Variants in PRX observed in about 807,000 individuals in gnomAD.
PRX encodes periaxin.
A neutral mutation model predicts 29.6 loss-of-function variants in PRX; 24 were observed. The observed-to-expected ratio is 0.81, with a 90% CI of 0.59 to 1.14. PRX has a LOEUF of 1.14. Among genes scored for constraint, PRX ranks in the 50% most tolerant of loss-of-function variants. PRX has a pLI of 0.00. For missense variants in PRX, 1,838 were observed against 1,926.4 expected, an observed-to-expected ratio of 0.95 and a Z score of 0.86; for synonymous variants, 772 against 831.7, an observed-to-expected ratio of 0.93 and a Z score of 1.24.
intron 4 of PRX, among the ~76,000 whole-genome samples, chr19:40,404,392 G>T (rs1352580951): frequency 6.6e-6 from 1 of 150,380 alleles, no homozygotes; most frequent in African/African-American, 2.5e-5. Flanking sequence ...GACCAGGATC[G>T]TGGGGGCGTG....
chr19:40,396,018 C>T lies in PRX; in HGVS notation c.2334G>A (p.Arg778=). Residue 778 remains arginine (R), a synonymous_variant, in exon 7 of 7, where the codon AGG becomes AGA. Transcript: ENST00000324001. ...TGGCCTTTAGCTGCACCTCCGGAGCCCTGGGCAGCTTCACCTCTGGTGCCT... is the reference window on the plus strand; with the variant it reads ...TGGCCTTTAGCTGCACCTCCGGAGCTCTGGGCAGCTTCACCTCTGGTGCCT... ...LPKAPEVKLP[R]APEVQLKATK... is the part of the protein sequence containing the mutation. The T allele has an allele frequency of 1.9e-6, 3 of 1,614,020 alleles. No homozygotes were observed. Among genetic ancestry groups the T allele is most frequent in the South Asian group, 2.2e-5 (2 of 91,086 alleles).
Position 40,402,878 on chromosome 19 carries a change from T to G in PRX, c.184+828A>C, listed in dbSNP as rs188342672. Among the ~76,000 whole-genome samples the G allele has an allele frequency of 1.4e-3, 210 of 151,890 alleles. 1 individual carries two copies. The highest frequency in any genetic ancestry group is 4.8e-3 in the African/African-American group (197 of 41,416). On this transcript the variant is annotated intron_variant, in intron 5 of 6. Transcript: ENST00000324001. ...TGAAGCCCAAGCAGCTAAGATAATGTCTGACATAGGGTGGGGCACGGTGGC... is the reference window on the plus strand; with the variant it reads ...TGAAGCCCAAGCAGCTAAGATAATGGCTGACATAGGGTGGGGCACGGTGGC...
intron 5 of PRX, among the ~76,000 whole-genome samples, chr19:40,402,051 C>T (rs2079498266): frequency 6.6e-6 from 1 of 152,128 alleles, no homozygotes; most frequent in Non-Finnish European, 1.5e-5. Flanking sequence ...AGCCCACCCC[C>T]ATTTAAAAAT....
rs761243357 is a variant in PRX at position 40,403,734 on chromosome 19, G to T, written c.156C>A (p.Pro52=). ...CCTGCAGGCTGAGGCTCCTGGCGGC[G>T]GGTGAGTCCTCGCGCAGCTCCCGAA... ...IFVRELREDS[P]AARSLSLQEG... The change falls in exon 5 of 7, where the codon CCC becomes CCA. Residue 52 remains proline, a synonymous_variant. Transcript: ENST00000324001. The T allele has an allele frequency of 4.5e-6, 7 of 1,568,326 alleles. 1 individual carries two copies. The highest frequency in any genetic ancestry group is 3.5e-5 in the South Asian group (3 of 85,710).
chr19:40,404,606 T>C (rs1301091913), intron 4 of PRX, among the ~76,000 whole-genome samples: 5 of 152,212 alleles, frequency 3.3e-5, no homozygotes, highest in Middle Eastern at 3.4e-3. Context: ...TCTCTCACTC[T>C]GTCCCCAGGC....
At chr19:40,407,468 C>G (rs1380204792) in intron 4 of PRX, 2 of 233,336 alleles carry the variant, frequency 8.6e-6, no homozygotes, top group African/African-American at 2.3e-5. Flanking sequence ...AAACCCGGCT[C>G]ATTTTTTTTT....
At position 40,398,245 on chromosome 19, in the gene PRX, C is replaced by G. The variant is rs2079461441; in HGVS notation, c.382-275G>C. 8.5e-6 allele frequency: 12 copies of G among 1,415,572 alleles called. No individual in the cohort carries two copies. Among genetic ancestry groups the G allele is most frequent in the Non-Finnish European group, 1.1e-5 (12 of 1,089,814 alleles). 87.7% of individuals were successfully genotyped at this position (1,415,572 alleles called of 1,614,324 possible). A position where few individuals can be genotyped will look rare whatever the true frequency, so the allele number is the denominator to read the frequency against. ...CGGGATTTTCCCCAACATCCTCATTCTAGAGATGGGGAAACTGAGGCCCAG... is the reference window on the plus strand; with the variant it reads ...CGGGATTTTCCCCAACATCCTCATTGTAGAGATGGGGAAACTGAGGCCCAG... On this transcript the variant is annotated intron_variant, in intron 6 of 6. Coordinates refer to ENST00000324001, the MANE Select transcript of PRX (RefSeq NM_181882.3). The surrounding 1 kb of genome is among the most constrained non-coding windows in gnomAD (Gnocchi z 6.3).
Position 40,407,889 on chromosome 19 carries a change from G to T in PRX, c.27+17C>A. 1 of 1,613,184 alleles carries T rather than the reference G, an allele frequency of 6.2e-7. No homozygotes were observed. On this transcript the variant is annotated intron_variant, in intron 4 of 6. Coordinates refer to ENST00000324001, the MANE Select transcript of PRX (RefSeq NM_181882.3). ...CATTGCCCTCAAGTGCGCCTTGCAG[G>T]ACACGTGGGCACTCACCTCGGCACT...
In PRX at chr19:40,395,379, C is replaced by T. The variant is rs1043055387; in HGVS notation, c.2973G>A (p.Leu991=). Residue 991 remains leucine (L), a synonymous_variant, in exon 7 of 7, where the codon CTG becomes CTA. Transcript: ENST00000324001. ...CATCCAGGCTGAGCTGTGGGATGGA[C>T]AGATCGAGGGCAGGCAGCAGGCCTG... The part of the protein sequence containing the change: ...GEAGLLPALD[L]SIPQLSLDAH... The T allele has an allele frequency of 3.7e-6, 6 of 1,613,838 alleles. No homozygotes were observed. Among genetic ancestry groups the T allele is most frequent in the South Asian group, 3.3e-5 (3 of 91,070 alleles).
rs202219076 is a variant in PRX, at chr19:40,394,458, T to A, written c.3894A>T (p.Gly1298=). The A allele has an allele frequency of 6.2e-7, 1 of 1,601,044 alleles. No individual in the cohort carries two copies. Among genetic ancestry groups the A allele is most frequent in the African/African-American group, 1.3e-5 (1 of 74,558 alleles). The change falls in exon 7 of 7, where the codon GGA becomes GGT. Residue 1298 remains glycine, a synonymous_variant. Coordinates refer to ENST00000324001, the MANE Select transcript of PRX (RefSeq NM_181882.3). This position sits in a 1 kb window ranked among gnomAD's most constrained non-coding sequence, Gnocchi z 5.8. ...GTACCTTGAGCTTGTGTCCGGCCTC[T>A]CCCTCCCCCTCTGCCACCTGGTACT... ...HAEYQVAEGE[G]EAGHKLKVRL... is the part of the protein sequence containing the mutation.
intron 5 of PRX, among the ~76,000 whole-genome samples, chr19:40,399,850 C>CCTTCCTTT (rs1304936980): frequency 5.3e-4 from 64 of 119,740 alleles, no homozygotes; most frequent in South Asian, 2.0e-3. Flanking sequence ...AGCTTTCTTT[C>CCTTCCTTT]CTTTCTTTCT....
rs545175808 is a variant in PRX at position 40,411,416 on chromosome 19, C to T, written c.-243+1922G>A. On this transcript the variant is annotated intron_variant, in intron 1 of 6. Coordinates refer to ENST00000324001, the MANE Select transcript of PRX (RefSeq NM_181882.3). ...TCAGTTCCCTTACCCAGGACTGATACACAGCACAGAGTCCTGAGCTGGGGA... is the reference window on the plus strand; with the variant it reads ...TCAGTTCCCTTACCCAGGACTGATATACAGCACAGAGTCCTGAGCTGGGGA... Among the ~76,000 whole-genome samples, 12 of 152,318 alleles carry T rather than the reference C, an allele frequency of 7.9e-5. No individual in the cohort carries two copies. In the South Asian group the frequency reaches 2.5e-3, roughly 32 times the overall value.
At chr19:40,414,332 C>G (rs2079571847), upstream of PRX, among the ~76,000 whole-genome samples, 1 of 152,176 alleles carries the variant, frequency 6.6e-6, no homozygotes, top group Non-Finnish European at 1.5e-5. Flanking sequence ...CCATGTTGCC[C>G]AGGCTGGTCT....
intron 5 of PRX, among the ~76,000 whole-genome samples, chr19:40,399,017 G>T (rs1197207763): frequency 2.1e-5 from 3 of 144,546 alleles, no homozygotes; most frequent in Non-Finnish European, 3.0e-5. Flanking sequence ...GAACAAAGCC[G>T]CGCCCACTCA....
intron 4 of PRX, among the ~76,000 whole-genome samples, chr19:40,404,744 A>AT (rs542849073): frequency 2.9e-4 from 43 of 149,314 alleles, no homozygotes; most frequent in Admixed American, 1.1e-3. Context: ...CTAATTTTTA[A>AT]TTTTTTTTTT....
At position 40,397,670 on chromosome 19, in the gene PRX, G is replaced by C. The variant is rs751238438; in HGVS notation, c.682C>G (p.Arg228Gly). 6.9e-5 allele frequency: 107 copies of C among 1,554,174 alleles called. 1 individual carries two copies. In the South Asian group the frequency reaches 1.2e-3, roughly 17 times the overall value. The change falls in exon 7 of 7, where the codon CGT becomes GGT. Residue 228 changes from arginine to glycine, a missense_variant. Coordinates refer to ENST00000324001, the MANE Select transcript of PRX (RefSeq NM_181882.3). ...KVEAEVAAGA[R>G]FTAPQVELVG... The stretch of plus-strand genomic sequence containing the variant: ...AGCTCCACCTGAGGGGCTGTGAAAC[G>C]AGCTCCTGCAGCCACCTCAGCCTCC...
chr19:40,404,529 A>T (rs770729822), intron 4 of PRX, among the ~76,000 whole-genome samples: 1 of 151,828 alleles, frequency 6.6e-6, no homozygotes, highest in African/African-American at 2.4e-5. Flanking sequence ...ATGTGGCCAG[A>T]GTTTATGGGA....
At chr19:40,400,359 G>A (rs527730840) in intron 5 of PRX, among the ~76,000 whole-genome samples, 5 of 146,344 alleles carry the variant, frequency 3.4e-5, no homozygotes, top group South Asian at 4.5e-4. Context: ...TTGGGAGGCC[G>A]AGGCAGGTGG....
chr19:40,395,087 A>G lies in PRX; in HGVS notation c.3265T>C (p.Ser1089Pro), dbSNP rs1378587679. The stretch of plus-strand genomic sequence containing the variant: ...GGGATCTTAAGCTGCACAGCGGTGG[A>G]CTCAGCCTTTTCCCCCGGGCTGGCA... ...DRASPGEKAE[S>P]TAVQLKIPEV... The change falls in exon 7 of 7, where the codon TCC becomes CCC. Residue 1089 changes from serine to proline, a missense_variant. By Grantham distance (74) the Ser-to-Pro change is moderately conservative (BLOSUM62 -1). Transcript: ENST00000324001. 1.2e-6 allele frequency: 2 copies of G among 1,613,084 alleles called. No individual in the cohort carries two copies. Among genetic ancestry groups the G allele is most frequent in the African/African-American group, 1.3e-5 (1 of 74,738 alleles).
Sources: gnomAD v4.1 joint callset for allele counts (sites outside exome capture counted in the v4.1 genomes callset) on GRCh38, gnomAD v4.1.1 for gene constraint, Gnocchi (gnomAD v3.1) non-coding constraint, MANE v1.5 for transcripts, NCBI Gene and HGNC (gene_info 2026-07-23, HGNC 2026-07-21) for gene names.